GRIA4: variants seen among roughly 807,000 people sequenced by gnomAD.
GRIA4 encodes the protein glutamate receptor 4.
In GRIA4, 34 loss-of-function variants were observed where a neutral mutation model predicts 104.0. That is an observed-to-expected ratio of 0.33 (90% CI 0.25 to 0.44). The LOEUF (loss-of-function observed/expected upper bound fraction) is 0.44, where lower values mean the gene tolerates loss of function less well. GRIA4 is among the 20% of genes least tolerant of loss of function. The probability of loss-of-function intolerance (pLI) is 1.00; values close to 1 mark genes in which losing one functional copy is unlikely to be tolerated. For missense variants in GRIA4, 750 were observed against 1,096.5 expected (o/e 0.68, Z 4.46); for synonymous variants, 386 against 381.9 (o/e 1.01, Z -0.13).
intron 3 of GRIA4, among the ~76,000 whole-genome samples, chr11:105,619,624 A>G (rs147033990): frequency 6.6e-6 from 1 of 152,014 alleles, no homozygotes; most frequent in Admixed American, 6.6e-5. Context: ...ATTCAGAGAG[A>G]GGATTGTTTC....
chr11:105,968,949 A>G (rs1858538700), intron 14 of GRIA4, among the ~76,000 whole-genome samples: 1 of 152,200 alleles, frequency 6.6e-6, no homozygotes, highest in South Asian at 2.1e-4. Context: ...AACAGCTGCA[A>G]CCATCAATCA....
intron 3 of GRIA4, among the ~76,000 whole-genome samples, chr11:105,736,621 C>A (rs563791641): frequency 1.6e-4 from 24 of 152,044 alleles, no homozygotes; most frequent in African/African-American, 5.3e-4. Context: ...CTTTATACTG[C>A]ATAAATTATT....
At position 105,863,125 on chromosome 11, in the gene GRIA4, G is replaced by A. The variant is rs148102203; in HGVS notation, c.672+917G>A. Among the ~76,000 whole-genome samples the A allele has an allele frequency of 9.1e-4, 139 of 152,200 alleles. 1 individual carries two copies. The East Asian group carries it at 0.015, about 16-fold the overall frequency. On this transcript the variant is annotated intron_variant, in intron 5 of 16. Transcript: ENST00000282499. ...TTCCATTAGTAAACTTGCCAATTTG[G>A]AGGTTTATTTATAGGAATAACTTTA...
At position 105,676,862 on chromosome 11, in the gene GRIA4, G is replaced by A. The variant is rs967244811; in HGVS notation, c.247+64428G>A. 2.6e-5 allele frequency among the ~76,000 whole-genome samples: 4 copies of A among 151,612 alleles called. 1 individual carries two copies. The highest frequency in any genetic ancestry group is 4.4e-5 in the Non-Finnish European group (3 of 67,686). ...GAATTCAACAATATTTATTGAGTCC[G>A]TACATAATCCTGTCTGTGTTACCTT... On this transcript the variant is annotated intron_variant, in intron 3 of 16. Coordinates refer to ENST00000282499, the MANE Select transcript of GRIA4 (RefSeq NM_000829.4).
chr11:105,711,829 TC>T, intron 3 of GRIA4, among the ~76,000 whole-genome samples: 1 of 152,176 alleles, frequency 6.6e-6, no homozygotes, highest in Non-Finnish European at 1.5e-5. Flanking sequence ...TCAATTCCAT[TC>T]TGGCTCAGGA....
At chr11:105,633,484 A>C (rs1951091602) in intron 3 of GRIA4, among the ~76,000 whole-genome samples, 1 of 152,134 alleles carries the variant, frequency 6.6e-6, no homozygotes, top group African/African-American at 2.4e-5. Flanking sequence ...ATTGTACTAA[A>C]CCCTTAGTAA....
At chr11:105,674,568 T>G (rs767530318) in intron 3 of GRIA4, among the ~76,000 whole-genome samples, 1 of 151,900 alleles carries the variant, frequency 6.6e-6, no homozygotes. Flanking sequence ...ACTATGTAGT[T>G]GGACTACATG....
In GRIA4 at chr11:105,964,624, G is replaced by A. The variant is rs369899831; in HGVS notation, c.2295-7290G>A. 1.4e-4 allele frequency among the ~76,000 whole-genome samples: 21 copies of A among 151,902 alleles called. No individual in the cohort carries two copies. The East Asian group carries it at 2.1e-3, about 15-fold the overall frequency. ...GTTTATAAAATAGCATATCACAAAC[G>A]TTACCCAAATTCCCTCAGCATATGA... On this transcript the variant is annotated intron_variant, in intron 14 of 16. Transcript: ENST00000282499.
intron 7 of GRIA4, among the ~76,000 whole-genome samples, chr11:105,900,359 G>A (rs1479749949): frequency 6.6e-6 from 1 of 151,950 alleles, no homozygotes; most frequent in East Asian, 1.9e-4. Flanking sequence ...CCATTCTATA[G>A]GCCAATCAGG....
At chr11:105,956,518 T>C (rs1177092729) in intron 14 of GRIA4, among the ~76,000 whole-genome samples, 1 of 152,190 alleles carries the variant, frequency 6.6e-6, no homozygotes, top group Admixed American at 6.5e-5. Flanking sequence ...TGATGGACAT[T>C]TGGGTTGGTT....
chr11:105,917,815 GGTGTGTGTGTGTGTGT>G (rs147308478), intron 10 of GRIA4, among the ~76,000 whole-genome samples: 2 of 142,780 alleles, frequency 1.4e-5, no homozygotes, highest in South Asian at 2.3e-4. Flanking sequence ...TTGGTTTAAG[GGTGTGTGTGTGTGTGT>G]GTGTGTGTGT....
At chr11:105,893,975 T>C (rs1946550053) in intron 6 of GRIA4, among the ~76,000 whole-genome samples, 1 of 152,198 alleles carries the variant, frequency 6.6e-6, no homozygotes, top group Non-Finnish European at 1.5e-5. Flanking sequence ...AATGAGAATG[T>C]TACTGATGAG....
At chr11:105,712,097 AATC>A (rs1337704949) in intron 3 of GRIA4, among the ~76,000 whole-genome samples, 5 of 152,098 alleles carry the variant, frequency 3.3e-5, no homozygotes, top group Admixed American at 2.6e-4. Context: ...AAAGGTTATT[AATC>A]ATTATATAGA....
chr11:105,965,883 C>T lies in GRIA4; in HGVS notation c.2295-6031C>T, dbSNP rs898160248. ...GAGAAGCTTATAAAGAGCTTAAGTC[C>T]TCATTCCTTCTAACATCTTAACAGC... On this transcript the variant is annotated intron_variant, in intron 14 of 16. Transcript: ENST00000282499. 1.6e-5 allele frequency: 18 copies of T among 1,135,384 alleles called. 1 individual carries two copies. The East Asian group carries it at 4.1e-4, about 26-fold the overall frequency. 70.3% of individuals were successfully genotyped at this position (1,135,384 alleles called of 1,614,324 possible). A position where few individuals can be genotyped will look rare whatever the true frequency, so the allele number is the denominator to read the frequency against.
chr11:105,615,183 CA>C (rs577903179), intron 3 of GRIA4, among the ~76,000 whole-genome samples: 2 of 150,992 alleles, frequency 1.3e-5, no homozygotes, highest in Non-Finnish European at 3.0e-5. Context: ...AATGTATACT[CA>C]AAAAAAACAC....
chr11:105,829,659 C>A (rs2135928480), intron 4 of GRIA4, among the ~76,000 whole-genome samples: 1 of 151,986 alleles, frequency 6.6e-6, no homozygotes, highest in East Asian at 2.0e-4. Flanking sequence ...ACTATGTCGA[C>A]ATATACTAAC....
intron 3 of GRIA4, among the ~76,000 whole-genome samples, chr11:105,750,370 C>T (rs997034914): frequency 1.3e-5 from 2 of 152,072 alleles, no homozygotes; most frequent in African/African-American, 4.8e-5. Context: ...AAGACTACAG[C>T]TGTAAATTTG....
chr11:105,660,530 T>A (rs184293632), intron 3 of GRIA4, among the ~76,000 whole-genome samples: 23 of 151,750 alleles, frequency 1.5e-4, no homozygotes, highest in Admixed American at 1.5e-3. Flanking sequence ...CAGATATTGT[T>A]CTTGGAAAAT....
At chr11:105,705,980 G>A (rs1185582388) in intron 3 of GRIA4, among the ~76,000 whole-genome samples, 1 of 152,096 alleles carries the variant, frequency 6.6e-6, no homozygotes, top group Non-Finnish European at 1.5e-5. Flanking sequence ...GCAAAATATT[G>A]GAAATGAAGT....
Sources: gnomAD v4.1 joint callset for allele counts (sites outside exome capture counted in the v4.1 genomes callset) on GRCh38, gnomAD v4.1.1 for gene constraint, MANE v1.5 for transcripts, NCBI Gene and HGNC (gene_info 2026-07-23, HGNC 2026-07-21) for gene names.